The following RPS17 variants were observed in gnomAD, a reference collection of about 807,000 sequenced individuals.
RPS17 encodes ribosomal protein S17.
For synonymous variants in RPS17, 75 were observed against 65.6 expected (o/e 1.14, Z -0.70); for missense variants, 68 against 182.3 (o/e 0.37, Z 3.61).
intron 2 of RPS17, 149 bp from the exon 3 acceptor site, chr15:82,539,134 T>C (rs1292211853): frequency 1.8e-5 from 15 of 812,864 alleles, no homozygotes; most frequent in African/African-American, 5.0e-5. Flanking sequence ...CTCCTACACA[T>C]AGAACCTCCA....
Position 82,540,009 on chromosome 15 carries a change from T to C in RPS17, c.127A>G (p.Ser43Gly). The C allele has an allele frequency of 6.2e-7, 1 of 1,612,188 alleles. No individual in the cohort carries two copies. Among genetic ancestry groups the C allele is most frequent in the Non-Finnish European group, 8.5e-7 (1 of 1,179,870 alleles). Residue 43 changes from serine to glycine, a missense_variant, in exon 2 of 5, where the codon AGC (serine) becomes GGC (glycine). Coordinates refer to ENST00000647841, the MANE Select transcript of RPS17 (RefSeq NM_001021.6). Reference protein sequence around the residue: ...RVCEEIAIIPSKKLRNKIAGY... With the variant: ...RVCEEIAIIPGKKLRNKIAGY... Reference sequence around the variant, plus strand: ...GCTATCTTGTTGCGGAGCTTTTTGCTGGGGATAATGGCGATCTCCTCGCAC... The same window carrying C: ...GCTATCTTGTTGCGGAGCTTTTTGCCGGGGATAATGGCGATCTCCTCGCAC...
chr15:82,537,998 G>A, intron 4 of RPS17: 1 of 483,294 alleles, frequency 2.1e-6, no homozygotes, highest in Non-Finnish European at 4.1e-6. Flanking sequence ...AAGAAAAGCA[G>A]GCAGATTCAG....
intron 3 of RPS17, 98 bp from the exon 4 acceptor site, chr15:82,538,469 G>A: frequency 2.3e-6 from 3 of 1,318,412 alleles, no homozygotes; most frequent in East Asian, 2.3e-5. Context: ...GGGAAGAGGA[G>A]CTGCACAAGG....
intron 4 of RPS17, chr15:82,538,060 G>T (rs2034272086): frequency 9.0e-6 from 5 of 558,354 alleles, no homozygotes; most frequent in African/African-American, 5.7e-5. Context: ...ACCAAGAACA[G>T]AAGCAGCCAA....
chr15:82,539,916 TC>T, intron 2 of RPS17, 64 bp downstream of exon 2: 2 of 1,610,828 alleles, frequency 1.2e-6, no homozygotes, highest in Non-Finnish European at 1.7e-6. Context: ...TCTTCCCGAG[TC>T]GGAGGGCGGC....
chr15:82,540,241 GGA>G (rs1422977485), intron 1 of RPS17, 109 bp from the exon 2 acceptor site: 7 of 1,608,202 alleles, frequency 4.4e-6, no homozygotes, highest in Middle Eastern at 2.1e-4. Context: ...GCGCTGAGCC[GGA>G]GAGGGCCCGG....
At position 82,540,106 on chromosome 15, in the gene RPS17, C is replaced by T; in HGVS notation, c.30G>A (p.Lys10=). ...TTTCTATGATGACCCGGGCCGCCTT[C>T]TTCACGGTTTTGGTGCGAACGCGGC... MGRVRTKTV[K]KAARVIIEKY... is the part of the protein sequence containing the mutation. Residue 10 remains lysine (K), a synonymous_variant, in exon 2 of 5, where the codon AAG becomes AAA. Coordinates refer to ENST00000647841, the MANE Select transcript of RPS17 (RefSeq NM_001021.6). The T allele has an allele frequency of 5.6e-6, 9 of 1,613,708 alleles. No individual in the cohort carries two copies. The South Asian group carries it at 9.9e-5, about 18-fold the overall frequency.
At chr15:82,540,373 C>A in intron 1 of RPS17, 53 bp downstream of exon 1, 3 of 1,588,804 alleles carry the variant, frequency 1.9e-6, no homozygotes, top group Non-Finnish European at 2.6e-6. Context: ...CCGCGGGAAG[C>A]TGCAGATGGG....
Position 82,537,631 on chromosome 15 carries a change from G to A in RPS17, c.327+675C>T, listed in dbSNP as rs1039030841. On this transcript the variant is annotated intron_variant, in intron 4 of 4. Coordinates refer to ENST00000647841, the MANE Select transcript of RPS17 (RefSeq NM_001021.6). Reference sequence around the variant, plus strand: ...TTTCAACAAAAATGCTGCATTCAGCGCAGTGGTTATTTCAGGAAGAAAAGA... The same window carrying A: ...TTTCAACAAAAATGCTGCATTCAGCACAGTGGTTATTTCAGGAAGAAAAGA... 2.0e-5 allele frequency: 7 copies of A among 354,966 alleles called. No homozygotes were observed. The East Asian group carries it at 2.9e-4, about 15-fold the overall frequency. 22.0% of individuals were successfully genotyped at this position (354,966 alleles called of 1,614,324 possible).
intron 2 of RPS17, 182 bp downstream of exon 2, chr15:82,539,799 C>G: frequency 9.0e-7 from 1 of 1,113,616 alleles, no homozygotes; most frequent in South Asian, 1.3e-5. Context: ...CGCGGCCAGT[C>G]ATGACACAGG....
intron 4 of RPS17, chr15:82,537,799 C>G: frequency 4.5e-6 from 2 of 446,938 alleles, no homozygotes; most frequent in Non-Finnish European, 4.5e-6. Flanking sequence ...TTCAAAATCA[C>G]CAACCGCCCA....
intron 3 of RPS17, 167 bp from the exon 4 acceptor site, chr15:82,538,538 G>T: frequency 1.3e-6 from 1 of 797,982 alleles, no homozygotes; most frequent in Non-Finnish European, 2.2e-6. Context: ...CCGATGACCT[G>T]TTCTTCTGGC....
rs995971238 is a variant in RPS17, at chr15:82,538,504, C to T, written c.262-133G>A. On this transcript the variant is annotated intron_variant, in intron 3 of 4. Transcript: ENST00000647841. ...GATAGCATTCCTCTCACAAGGTGAG[C>T]AGTCTCTTACAGTATTACAGACCCC... 1.5e-5 allele frequency: 15 copies of T among 982,534 alleles called. No homozygotes were observed. The African/African-American group carries it at 2.4e-4, about 16-fold the overall frequency. 60.9% of individuals were successfully genotyped at this position (982,534 alleles called of 1,614,324 possible).
intron 4 of RPS17, 173 bp from the exon 5 acceptor site, chr15:82,537,054 T>A: frequency 1.4e-6 from 1 of 721,294 alleles, no homozygotes; most frequent in Non-Finnish European, 2.5e-6. Context: ...TCCAGAGTGA[T>A]CTTCCTTCAA....
chr15:82,537,168 C>CT (rs2034254990), intron 4 of RPS17: 1 of 519,180 alleles, frequency 1.9e-6, no homozygotes, highest in Admixed American at 3.2e-5. Context: ...ATCAATCACT[C>CT]TAAAACACCG....
At chr15:82,538,849 A>T in intron 3 of RPS17, 31 bp downstream of exon 3, 1 of 1,607,118 alleles carries the variant, frequency 6.2e-7, no homozygotes, top group Non-Finnish European at 8.5e-7. Flanking sequence ...TTTGAGGATT[A>T]GCCAGAAGCC....
intron 2 of RPS17, chr15:82,539,641 A>G: frequency 2.3e-6 from 1 of 426,938 alleles, no homozygotes; most frequent in Non-Finnish European, 4.4e-6. Flanking sequence ...GTGAGCCGAG[A>G]TGGCGCCACT....
At chr15:82,537,182 C>G in intron 4 of RPS17, 3 of 491,042 alleles carry the variant, frequency 6.1e-6, no homozygotes. Flanking sequence ...AACACCGTTT[C>G]TCAATCTTGG....
chr15:82,538,737 A>AG (rs1489248618), intron 3 of RPS17, 143 bp downstream of exon 3: 8 of 850,344 alleles, frequency 9.4e-6, no homozygotes, highest in South Asian at 2.7e-5. Context: ...AGAAACTGGT[A>AG]GGGGGCCTAT....
Sources: allele counts gnomAD v4.1 joint callset, GRCh38; gene constraint gnomAD v4.1.1; transcripts MANE v1.5; gene names NCBI Gene and HGNC (gene_info 2026-07-23, HGNC 2026-07-21).